Variants in CNOT2 observed in about 807,000 individuals in gnomAD.
CNOT2 encodes the protein CCR4-NOT transcription complex subunit 2, also known as CC chemokine receptor 4-negative regulator of transcription 2.
A neutral mutation model predicts 72.1 loss-of-function variants in CNOT2; 7 were observed. That is an observed-to-expected ratio of 0.10 (90% CI 0.06 to 0.18). The LOEUF (loss-of-function observed/expected upper bound fraction) is 0.18, where lower values mean the gene tolerates loss of function less well. Ranked by LOEUF, CNOT2 falls within the 10% of genes least tolerant of loss-of-function variation. CNOT2 has a pLI of 1.00. For missense variants in CNOT2, 345 were observed against 660.3 expected, an observed-to-expected ratio of 0.52 and a Z score of 5.23; for synonymous variants, 196 against 225.6, an observed-to-expected ratio of 0.87 and a Z score of 1.17.
chr12:70,323,691 T>C (rs1259929055), intron 4 of CNOT2: 3 of 151,966 alleles, frequency 2.0e-5, no homozygotes, highest in East Asian at 3.9e-4. Flanking sequence ...TAGGCTGTTA[T>C]ATTGATTTCA....
At chr12:70,308,376 G>C (rs537259786) in intron 2 of CNOT2, among the ~76,000 whole-genome samples, 1 of 152,076 alleles carries the variant, frequency 6.6e-6, no homozygotes, top group East Asian at 1.9e-4. Context: ...TTGCATTCAT[G>C]GGGGAGAGTA....
chr12:70,326,976 G>A (rs1481380832), intron 4 of CNOT2, among the ~76,000 whole-genome samples: 2 of 151,708 alleles, frequency 1.3e-5, no homozygotes, highest in African/African-American at 4.8e-5. Context: ...TACCATTCTT[G>A]TTTTCTTCTC....
chr12:70,299,979 G>C (rs1873602658), intron 2 of CNOT2, among the ~76,000 whole-genome samples: 1 of 152,208 alleles, frequency 6.6e-6, no homozygotes, highest in Admixed American at 6.5e-5. Flanking sequence ...GGCCAGTGAT[G>C]ATGAGCATTT....
intron 1 of CNOT2, among the ~76,000 whole-genome samples, chr12:70,253,902 T>G (rs1368330534): frequency 2.6e-5 from 4 of 152,084 alleles, no homozygotes; most frequent in Non-Finnish European, 4.4e-5. Context: ...TGATAAAGTT[T>G]AACTTGCACA....
At chr12:70,265,340 C>CTTT (rs1958991787) in intron 1 of CNOT2, among the ~76,000 whole-genome samples, 16 of 134,294 alleles carry the variant, frequency 1.2e-4, no homozygotes, top group Admixed American at 3.1e-4. Flanking sequence ...TTTCTTTTTT[C>CTTT]TTTCTTTCTC....
intron 2 of CNOT2, among the ~76,000 whole-genome samples, chr12:70,289,908 T>C (rs1200826845): frequency 6.6e-6 from 1 of 152,136 alleles, no homozygotes; most frequent in Non-Finnish European, 1.5e-5. Flanking sequence ...ATGCCAGTCT[T>C]TGGAAACTTT....
At chr12:70,349,551 CACTT>C (rs1048272403) in intron 15 of CNOT2, among the ~76,000 whole-genome samples, 1 of 152,074 alleles carries the variant, frequency 6.6e-6, no homozygotes, top group Non-Finnish European at 1.5e-5. Flanking sequence ...TTCCCCAAAT[CACTT>C]ACTATTTTCA....
At chr12:70,270,124 A>G (rs1270836902) in intron 1 of CNOT2, among the ~76,000 whole-genome samples, 1 of 152,198 alleles carries the variant, frequency 6.6e-6, no homozygotes, top group Non-Finnish European at 1.5e-5. Context: ...GTCTCTGATT[A>G]TTAGTATCAA....
chr12:70,295,201 A>G (rs1872617733), intron 2 of CNOT2, among the ~76,000 whole-genome samples: 1 of 152,114 alleles, frequency 6.6e-6, no homozygotes, highest in Non-Finnish European at 1.5e-5. Context: ...TTCACATTAA[A>G]CCCAAGAAAA....
At chr12:70,332,563 T>G in intron 6 of CNOT2, 1 of 739,118 alleles carries the variant, frequency 1.4e-6, no homozygotes, top group African/African-American at 1.8e-5. Context: ...CTGCCTAAAA[T>G]GTTCTGGTTC....
chr12:70,276,595 C>T (rs994669628), intron 1 of CNOT2, among the ~76,000 whole-genome samples: 6 of 151,880 alleles, frequency 4.0e-5, no homozygotes, highest in Admixed American at 3.3e-4. Flanking sequence ...GCCAAATGTG[C>T]GTCATTTAAC....
chr12:70,318,030 A>C (rs1877657331), intron 3 of CNOT2, among the ~76,000 whole-genome samples: 1 of 151,762 alleles, frequency 6.6e-6, no homozygotes. Context: ...TTCCCGTTAT[A>C]CCCCAGCTAG....
chr12:70,284,682 T>TTGGCTCATTGCC (rs1870562745), intron 2 of CNOT2, among the ~76,000 whole-genome samples: 1 of 152,036 alleles, frequency 6.6e-6, no homozygotes, highest in African/African-American at 2.4e-5. Context: ...TCCTCATTGG[T>TTGGCTCATTGCC]TGGCTCATTG....
intron 4 of CNOT2, 141 bp from the exon 5 acceptor site, chr12:70,329,282 G>T: frequency 1.9e-6 from 1 of 520,848 alleles, no homozygotes; most frequent in South Asian, 3.5e-5. Flanking sequence ...GAGTTTATTT[G>T]GAGTGAATCG....
At position 70,266,146 on chromosome 12, in the gene CNOT2, G is replaced by T. The variant is rs1274512577; in HGVS notation, c.-95-11986G>T. On this transcript the variant is annotated intron_variant, in intron 1 of 15. Transcript: ENST00000229195. Reference sequence around the variant, plus strand: ...TTTTCAGACAGAGTTCTCTCTTGTTGCCCAGGCTGGAGTGCAATGGCGCCA... The same window carrying T: ...TTTTCAGACAGAGTTCTCTCTTGTTTCCCAGGCTGGAGTGCAATGGCGCCA... 4.0e-5 allele frequency among the ~76,000 whole-genome samples: 6 copies of T among 151,124 alleles called. No homozygotes were observed. In the East Asian group the frequency reaches 9.9e-4, roughly 25 times the overall value.
intron 2 of CNOT2, among the ~76,000 whole-genome samples, chr12:70,291,362 G>A (rs1429582147): frequency 2.0e-5 from 3 of 152,084 alleles, no homozygotes; most frequent in African/African-American, 7.2e-5. Context: ...CCCTTATTAG[G>A]GCCAAAAATG....
At chr12:70,309,868 GCA>G (rs891013837) in intron 2 of CNOT2, among the ~76,000 whole-genome samples, 1 of 151,942 alleles carries the variant, frequency 6.6e-6, no homozygotes, top group Non-Finnish European at 1.5e-5. Context: ...ATTAAAATTA[GCA>G]CAGATTTTAA....
intron 2 of CNOT2, among the ~76,000 whole-genome samples, chr12:70,306,906 A>G (rs1382609691): frequency 6.6e-6 from 1 of 152,262 alleles, no homozygotes; most frequent in African/African-American, 2.4e-5. Flanking sequence ...GGCTATAAAC[A>G]TGTACAGCAT....
chr12:70,316,553 G>A (rs1174373924), intron 3 of CNOT2, among the ~76,000 whole-genome samples: 1 of 152,080 alleles, frequency 6.6e-6, no homozygotes, highest in Non-Finnish European at 1.5e-5. Context: ...TTTAAGATAT[G>A]TCTGTATAGC....
Sources: gnomAD v4.1 joint callset for allele counts (sites outside exome capture counted in the v4.1 genomes callset) on GRCh38, gnomAD v4.1.1 for gene constraint, MANE v1.5 for transcripts, NCBI Gene and HGNC (gene_info 2026-07-23, HGNC 2026-07-21) for gene names.